SLC2A13: variants seen among roughly 807,000 people sequenced by gnomAD.
The protein encoded by SLC2A13 is solute carrier family 2 member 13.
A neutral mutation model predicts 64.4 loss-of-function variants in SLC2A13; 32 were observed. The observed-to-expected ratio is 0.50, with a 90% confidence interval of 0.37 to 0.67. The LOEUF (loss-of-function observed/expected upper bound fraction) is 0.67. Among genes scored for constraint, SLC2A13 ranks in the 30% least tolerant of loss-of-function variants. The probability of loss-of-function intolerance (pLI) is 0.00; values close to 1 mark genes in which losing one functional copy is unlikely to be tolerated. For missense variants in SLC2A13, 743 were observed against 829.2 expected (o/e 0.90, Z 1.28); for synonymous variants, 338 against 327.1 (o/e 1.03, Z -0.36).
At chr12:39,872,936 G>A (rs1944092349) in intron 4 of SLC2A13, among the ~76,000 whole-genome samples, 1 of 152,080 alleles carries the variant, frequency 6.6e-6, no homozygotes, top group African/African-American at 2.4e-5. Flanking sequence ...GTTAAATCAG[G>A]CTGAATATTT....
At chr12:39,950,475 TGA>T (rs1327251285) in intron 4 of SLC2A13, 2 of 152,180 alleles carry the variant, frequency 1.3e-5, no homozygotes, top group Non-Finnish European at 2.9e-5. Flanking sequence ...TGTAGAGAAT[TGA>T]GAGAGTCCTG....
chr12:40,088,327 GCTCT>G (rs747677935), intron 1 of SLC2A13, among the ~76,000 whole-genome samples: 6 of 152,146 alleles, frequency 3.9e-5, no homozygotes, highest in Non-Finnish European at 7.4e-5. Flanking sequence ...TATTTTAACT[GCTCT>G]CTCTAAAACC....
rs79232966 is a variant in SLC2A13 at position 39,881,474 on chromosome 12, G to A, written c.1035-9513C>T. 4.8e-3 allele frequency among the ~76,000 whole-genome samples: 737 copies of A among 152,244 alleles called. 7 individuals carry two copies. Among genetic ancestry groups the A allele is most frequent in the African/African-American group, 0.017 (709 of 41,552 alleles). On this transcript the variant is annotated intron_variant, in intron 4 of 9. Transcript: ENST00000280871. ...AAAAGTGCTGATTCTAATCTTGTCA[G>A]ACAACACTTTTCACCTCGCCTCATC...
chr12:39,899,997 C>CAAGT (rs202139936), intron 4 of SLC2A13, among the ~76,000 whole-genome samples: 6,993 of 152,168 alleles, frequency 0.046, 287 homozygotes, highest in Admixed American at 0.13. Flanking sequence ...CCACCATGAT[C>CAAGT]AAGTGGGCTT....
chr12:40,049,878 C>A (rs1336409591), intron 1 of SLC2A13, among the ~76,000 whole-genome samples: 1 of 152,090 alleles, frequency 6.6e-6, no homozygotes. Flanking sequence ...CATTAAGTCT[C>A]AGAACTAGAT....
In SLC2A13 at chr12:39,991,398, T is replaced by G. The variant is rs1947136346; in HGVS notation, c.925+36903A>C. 2.0e-5 allele frequency among the ~76,000 whole-genome samples: 3 copies of G among 152,320 alleles called. No homozygotes were observed. The South Asian group carries it at 6.2e-4, about 32-fold the overall frequency. On this transcript the variant is annotated intron_variant, in intron 3 of 9. Transcript: ENST00000280871. ...TTCCGTGTTCACCCCACTCCCCTGCTGCCATCATGCTCCAGTGTTCCTACT... is the reference window on the plus strand; with the variant it reads ...TTCCGTGTTCACCCCACTCCCCTGCGGCCATCATGCTCCAGTGTTCCTACT...
At chr12:40,059,991 G>A (rs912613822) in intron 1 of SLC2A13, among the ~76,000 whole-genome samples, 3 of 152,034 alleles carry the variant, frequency 2.0e-5, no homozygotes, top group African/African-American at 4.8e-5. Flanking sequence ...GGGCCCAAAG[G>A]GCCCCAATAT....
intron 3 of SLC2A13, among the ~76,000 whole-genome samples, chr12:40,021,331 C>G (rs772045935): frequency 1.3e-5 from 2 of 152,076 alleles, no homozygotes; most frequent in Non-Finnish European, 2.9e-5. Flanking sequence ...TAAAAGTTGT[C>G]TGGGGTTTAG....
At chr12:39,773,677 T>G (rs1396564943) in intron 7 of SLC2A13, among the ~76,000 whole-genome samples, 2 of 152,224 alleles carry the variant, frequency 1.3e-5, no homozygotes, top group Non-Finnish European at 2.9e-5. Context: ...ATATTGCCCC[T>G]TTATTCTCCA....
intron 3 of SLC2A13, among the ~76,000 whole-genome samples, chr12:39,977,044 G>A (rs1946773116): frequency 6.6e-6 from 1 of 152,166 alleles, no homozygotes; most frequent in Admixed American, 6.5e-5. Context: ...TAAGCTAAAT[G>A]ACTGGATTTC....
chr12:40,095,718 C>T (rs533308762), intron 1 of SLC2A13, among the ~76,000 whole-genome samples: 4 of 152,264 alleles, frequency 2.6e-5, no homozygotes, highest in Admixed American at 6.5e-5. Context: ...AGCAACTTTA[C>T]AAATGAACTG....
At chr12:39,959,442 G>A (rs778673803) in intron 3 of SLC2A13, among the ~76,000 whole-genome samples, 16 of 152,200 alleles carry the variant, frequency 1.1e-4, no homozygotes, top group Non-Finnish European at 2.1e-4. Flanking sequence ...ATTAGGGCCG[G>A]TATGCAATGA....
chr12:39,909,860 T>G (rs568196237), intron 4 of SLC2A13, among the ~76,000 whole-genome samples: 1 of 130,244 alleles, frequency 7.7e-6, no homozygotes, highest in Non-Finnish European at 1.6e-5. Flanking sequence ...TTACAGTTTG[T>G]TTTTTTTTTT....
At chr12:40,039,693 G>A (rs1948052631) in intron 2 of SLC2A13, among the ~76,000 whole-genome samples, 1 of 152,106 alleles carries the variant, frequency 6.6e-6, no homozygotes, top group South Asian at 2.1e-4. Flanking sequence ...TCAAAAAATT[G>A]AGAGGAAGGT....
At chr12:39,774,394 G>A (rs1940695641) in intron 7 of SLC2A13, among the ~76,000 whole-genome samples, 2 of 152,074 alleles carry the variant, frequency 1.3e-5, no homozygotes, top group African/African-American at 4.8e-5. Flanking sequence ...TTTAATTATT[G>A]TTCAGTAGGC....
intron 4 of SLC2A13, among the ~76,000 whole-genome samples, chr12:39,906,931 TTTTA>T (rs1945300472): frequency 6.6e-6 from 1 of 152,156 alleles, no homozygotes; most frequent in African/African-American, 2.4e-5. Flanking sequence ...CAAAATATAT[TTTTA>T]TTTGATTCTT....
In SLC2A13 at chr12:40,023,118, T is replaced by A. The variant is rs146725650; in HGVS notation, c.925+5183A>T. Among the ~76,000 whole-genome samples the A allele has an allele frequency of 2.9e-3, 441 of 152,364 alleles. 5 individuals are homozygous for A. The highest frequency in any genetic ancestry group is 1.0e-2 in the African/African-American group (414 of 41,588). On this transcript the variant is annotated intron_variant, in intron 3 of 9. Transcript: ENST00000280871. The stretch of plus-strand genomic sequence containing the variant: ...TAAACATACTGCTTTTTAATTTCCC[T>A]AGCTTCCCTAGCTTTTTGCAGTGGT...
intron 4 of SLC2A13, among the ~76,000 whole-genome samples, chr12:39,909,859 GT>G (rs568950500): frequency 2.3e-3 from 310 of 132,244 alleles, no homozygotes; most frequent in Middle Eastern, 4.0e-3. Context: ...CTTACAGTTT[GT>G]TTTTTTTTTT....
intron 4 of SLC2A13, among the ~76,000 whole-genome samples, chr12:39,943,837 T>G (rs902307645): frequency 3.3e-5 from 5 of 152,138 alleles, no homozygotes; most frequent in Non-Finnish European, 7.4e-5. Context: ...GAGATTCCCT[T>G]GGGAGCCTAC....
Sources: gnomAD v4.1 joint callset for allele counts (sites outside exome capture counted in the v4.1 genomes callset) on GRCh38, gnomAD v4.1.1 for gene constraint, MANE v1.5 for transcripts, NCBI Gene and HGNC (gene_info 2026-07-23, HGNC 2026-07-21) for gene names.